The following NVL variants were observed in gnomAD, a reference collection of about 807,000 sequenced individuals.
The protein encoded by NVL is nuclear valosin-containing protein-like.
In NVL, 84 loss-of-function variants were observed where a neutral mutation model predicts 110.2. That is an observed-to-expected ratio of 0.76 (90% CI 0.64 to 0.91). The LOEUF (loss-of-function observed/expected upper bound fraction) is 0.91. Among genes scored for constraint, NVL ranks in the 40% least tolerant of loss-of-function variants. NVL has a pLI of 0.00. For missense variants in NVL, 882 were observed against 1,035.9 expected (o/e 0.85, Z 2.04); for synonymous variants, 354 against 361.1 (o/e 0.98, Z 0.22).
intron 13 of NVL, 46 bp from the exon 14 acceptor site, chr1:224,288,039 C>G: frequency 2.9e-6 from 4 of 1,401,760 alleles, no homozygotes; most frequent in Non-Finnish European, 4.0e-6. Context: ...AACACCACAA[C>G]AGCTATTGAA....
At chr1:224,228,668 G>A (rs1199842830) in intron 22 of NVL, among the ~76,000 whole-genome samples, 3 of 150,174 alleles carry the variant, frequency 2.0e-5, no homozygotes, top group African/African-American at 7.3e-5. Context: ...GGCCGGGCGC[G>A]GTGGCTCACA....
intron 19 of NVL, among the ~76,000 whole-genome samples, chr1:224,244,940 C>A (rs1661646086): frequency 6.6e-6 from 1 of 152,206 alleles, no homozygotes; most frequent in Admixed American, 6.5e-5. Context: ...CCCGCCTTGG[C>A]CTCCCAAAGT....
intron 4 of NVL, 173 bp from the exon 5 acceptor site, chr1:224,312,030 C>G (rs979004500): frequency 3.5e-6 from 2 of 570,136 alleles, no homozygotes; most frequent in Middle Eastern, 4.7e-4. Flanking sequence ...TATTACTTAA[C>G]CTCTCTAAGC....
At chr1:224,230,470 G>A (rs1659748315) in intron 22 of NVL, among the ~76,000 whole-genome samples, 1 of 152,016 alleles carries the variant, frequency 6.6e-6, no homozygotes, top group Non-Finnish European at 1.5e-5. Context: ...CAGGCATGGT[G>A]GTGCGCACCT....
chr1:224,255,404 G>A (rs1366575367), intron 18 of NVL, among the ~76,000 whole-genome samples: 1 of 151,202 alleles, frequency 6.6e-6, no homozygotes, highest in African/African-American at 2.4e-5. Context: ...ATGTTAGCCA[G>A]GTTGGTCTCG....
intron 18 of NVL, among the ~76,000 whole-genome samples, chr1:224,266,430 G>T (rs1001888491): frequency 5.9e-5 from 9 of 152,254 alleles, no homozygotes; most frequent in African/African-American, 1.7e-4. Flanking sequence ...TTCCTGTCCA[G>T]GCCACTTTCC....
chr1:224,329,415 G>C (rs1476146682), intron 1 of NVL, among the ~76,000 whole-genome samples: 1 of 152,122 alleles, frequency 6.6e-6, no homozygotes, highest in East Asian at 1.9e-4. Flanking sequence ...GGTAGGAAAA[G>C]ATGGGTCCGA....
chr1:224,239,524 C>A (rs974617619), intron 19 of NVL, among the ~76,000 whole-genome samples: 1 of 152,154 alleles, frequency 6.6e-6, no homozygotes, highest in Non-Finnish European at 1.5e-5. Context: ...CAACTTACCT[C>A]GACTGTCACA....
At chr1:224,316,156 A>G (rs145559556) in intron 4 of NVL, among the ~76,000 whole-genome samples, 24 of 152,294 alleles carry the variant, frequency 1.6e-4, no homozygotes, top group Admixed American at 1.6e-3. Flanking sequence ...CCTGAGCAAC[A>G]AAGTGAGACT....
rs1666813558 is a variant in NVL, at chr1:224,285,938, T to C, written c.1899+88A>G. 7 of 967,428 alleles carry C rather than the reference T, an allele frequency of 7.2e-6. No individual in the cohort carries two copies. In the South Asian group the frequency reaches 1.0e-4, roughly 15 times the overall value. The allele number at this position is 967,428 out of a possible 1,614,324, so 59.9% of individuals were successfully genotyped here. A position where few individuals can be genotyped will look rare whatever the true frequency, so the allele number is the denominator to read the frequency against. On this transcript the variant is annotated intron_variant, in intron 15 of 22. Transcript: ENST00000281701. ...TTCTGATAAAAATTATGCATAAGAC[T>C]TACCTCACTGTAATATTTAAAGTTA...
At chr1:224,247,634 A>C (rs1314034994) in intron 19 of NVL, among the ~76,000 whole-genome samples, 1 of 151,258 alleles carries the variant, frequency 6.6e-6, no homozygotes, top group Non-Finnish European at 1.5e-5. Flanking sequence ...GCACCACTGC[A>C]CTCCAGCCTG....
intron 18 of NVL, among the ~76,000 whole-genome samples, chr1:224,266,495 T>C (rs559335743): frequency 2.0e-5 from 3 of 152,320 alleles, no homozygotes; most frequent in African/African-American, 7.2e-5. Flanking sequence ...CTTGGGGTGA[T>C]GCAGCAAGAA....
intron 10 of NVL, 78 bp from the exon 11 acceptor site, chr1:224,296,696 A>G (rs184938748): frequency 1.2e-6 from 1 of 863,122 alleles, no homozygotes. Context: ...TATACATTTT[A>G]AAAAAAATCT....
chr1:224,321,263 T>A (rs569567171), intron 2 of NVL, among the ~76,000 whole-genome samples: 62 of 152,088 alleles, frequency 4.1e-4, no homozygotes, highest in Non-Finnish European at 7.8e-4. Context: ...AAATAAATAA[T>A]TAATTAAAAA....
At chr1:224,258,692 G>A (rs1370020224) in intron 18 of NVL, among the ~76,000 whole-genome samples, 2 of 151,972 alleles carry the variant, frequency 1.3e-5, no homozygotes, top group Admixed American at 6.6e-5. Flanking sequence ...TCCATACAAC[G>A]GGATATTATT....
chr1:224,322,243 ATT>A lies in NVL; in HGVS notation c.131+4146_131+4147del, dbSNP rs34841668. On this transcript the variant is annotated intron_variant, in intron 2 of 22. Transcript: ENST00000281701. ...CAGACTACAGGTGCATGCCACGCTA[ATT>A]TTTTTTTTTTTTTTTTTTGGTAGAG... Among the ~76,000 whole-genome samples, 427 of 131,768 alleles carry A rather than the reference ATT, an allele frequency of 3.2e-3. 1 individual carries two copies. The highest frequency in any genetic ancestry group is 0.011 in the African/African-American group (378 of 34,678). 86.4% of individuals were successfully genotyped at this position (131,768 alleles called of 152,430 possible).
intron 18 of NVL, among the ~76,000 whole-genome samples, chr1:224,266,681 G>A (rs1187044941): frequency 6.6e-6 from 1 of 152,194 alleles, no homozygotes; most frequent in African/African-American, 2.4e-5. Flanking sequence ...ATCTGTATCT[G>A]CTTATGAAAG....
intron 9 of NVL, chr1:224,301,798 C>CAA (rs61084002): frequency 2.9e-4 from 22 of 75,890 alleles, no homozygotes; most frequent in South Asian, 1.0e-3. Flanking sequence ...AAATCTGTTT[C>CAA]AAAAAAAAAA....
intron 17 of NVL, among the ~76,000 whole-genome samples, chr1:224,272,001 G>A (rs562235265): frequency 4.6e-5 from 7 of 151,412 alleles, no homozygotes; most frequent in East Asian, 3.9e-4. Context: ...GCAACAGAAC[G>A]AGACTCTGTC....
Sources: gnomAD v4.1 joint callset for allele counts (sites outside exome capture counted in the v4.1 genomes callset) on GRCh38, gnomAD v4.1.1 for gene constraint, MANE v1.5 for transcripts, NCBI Gene and HGNC (gene_info 2026-07-23, HGNC 2026-07-21) for gene names.